KCNQ3: variants seen among roughly 807,000 people sequenced by gnomAD.
KCNQ3 encodes potassium voltage-gated channel subfamily Q member 3.
A neutral mutation model predicts 92.5 loss-of-function variants in KCNQ3; 30 were observed. That is an observed-to-expected ratio of 0.32 (90% CI 0.24 to 0.44). The LOEUF (loss-of-function observed/expected upper bound fraction) is 0.44. Among genes scored for constraint, KCNQ3 ranks in the 20% least tolerant of loss-of-function variants. KCNQ3 has a pLI of 1.00. For missense variants in KCNQ3, 913 were observed against 1,140.3 expected (o/e 0.80, Z 2.87); for synonymous variants, 450 against 468.8 (o/e 0.96, Z 0.52).
intron 1 of KCNQ3, among the ~76,000 whole-genome samples, chr8:132,232,842 G>A (rs1173994822): frequency 6.6e-6 from 1 of 152,200 alleles, no homozygotes; most frequent in Admixed American, 6.5e-5. Context: ...AATGTGCTAG[G>A]AAGTCTTTTG....
chr8:132,441,813 C>T (rs957711292), intron 1 of KCNQ3, among the ~76,000 whole-genome samples: 5 of 152,036 alleles, frequency 3.3e-5, no homozygotes, highest in African/African-American at 1.2e-4. Flanking sequence ...AGCAGCCATT[C>T]TGGAATCAAC....
intron 1 of KCNQ3, among the ~76,000 whole-genome samples, chr8:132,250,078 C>T (rs560054499): frequency 3.3e-5 from 5 of 152,214 alleles, no homozygotes; most frequent in Non-Finnish European, 7.3e-5. Flanking sequence ...CGGCTCCAGC[C>T]TCAGACAGCC....
intron 11 of KCNQ3, 115 bp downstream of exon 11, chr8:132,139,960 AG>A: frequency 1.4e-6 from 1 of 705,076 alleles, no homozygotes. Flanking sequence ...GGGTTAGTGG[AG>A]GGGCTTCTCT....
intron 1 of KCNQ3, among the ~76,000 whole-genome samples, chr8:132,272,106 C>G (rs2130501456): frequency 6.6e-6 from 1 of 152,340 alleles, no homozygotes; most frequent in East Asian, 1.9e-4. Context: ...GTCTAGGTAA[C>G]TACTTTGGAC....
intron 1 of KCNQ3, among the ~76,000 whole-genome samples, chr8:132,414,017 C>G (rs1820727019): frequency 6.6e-6 from 1 of 152,214 alleles, no homozygotes; most frequent in Non-Finnish European, 1.5e-5. Flanking sequence ...GCGGGTGCAG[C>G]CTGGAGAAGC....
chr8:132,255,904 A>G (rs541161207), intron 1 of KCNQ3, among the ~76,000 whole-genome samples: 1 of 152,236 alleles, frequency 6.6e-6, no homozygotes, highest in Non-Finnish European at 1.5e-5. Context: ...CATTTTATTT[A>G]AAATGTCCAG....
chr8:132,407,250 C>T lies in KCNQ3; in HGVS notation c.386+72897G>A, dbSNP rs570506690. On this transcript the variant is annotated intron_variant, in intron 1 of 14. Coordinates refer to ENST00000388996, the MANE Select transcript of KCNQ3 (RefSeq NM_004519.4). Reference sequence around the variant, plus strand: ...GCGGAGACAGCACAGCCACCTGCCTCGAATGGACCCACGATCTTATTTATT... The same window carrying T: ...GCGGAGACAGCACAGCCACCTGCCTTGAATGGACCCACGATCTTATTTATT... Among the ~76,000 whole-genome samples, 22 of 152,300 alleles carry T rather than the reference C, an allele frequency of 1.4e-4. 2 individuals are homozygous for T. The South Asian group carries it at 3.5e-3, about 24-fold the overall frequency.
At chr8:132,187,551 G>A (rs536679722) in intron 1 of KCNQ3, among the ~76,000 whole-genome samples, 1 of 152,296 alleles carries the variant, frequency 6.6e-6, no homozygotes, top group African/African-American at 2.4e-5. Context: ...GACATTTTAT[G>A]TGAAATTCGA....
chr8:132,396,778 G>C (rs1820203773), intron 1 of KCNQ3, among the ~76,000 whole-genome samples: 1 of 152,158 alleles, frequency 6.6e-6, no homozygotes. Flanking sequence ...ATCTGGGTGG[G>C]CCTGAGCTAA....
intron 1 of KCNQ3, among the ~76,000 whole-genome samples, chr8:132,223,337 G>A (rs1814299243): frequency 6.6e-6 from 1 of 152,238 alleles, no homozygotes; most frequent in Non-Finnish European, 1.5e-5. Flanking sequence ...CAGCAGGGAA[G>A]CAGACAGCTG....
chr8:132,405,919 C>G (rs1432593964), intron 1 of KCNQ3, among the ~76,000 whole-genome samples: 1 of 152,160 alleles, frequency 6.6e-6, no homozygotes, highest in Non-Finnish European at 1.5e-5. Context: ...GAAAACTCTA[C>G]TTCCTAACAG....
chr8:132,436,826 C>T (rs563567652), intron 1 of KCNQ3, among the ~76,000 whole-genome samples: 1 of 152,214 alleles, frequency 6.6e-6, no homozygotes, highest in Non-Finnish European at 1.5e-5. Context: ...TGGGCTCAGT[C>T]CTCAGAAGGT....
intron 1 of KCNQ3, among the ~76,000 whole-genome samples, chr8:132,219,756 T>C (rs1054016822): frequency 6.6e-5 from 10 of 152,230 alleles, no homozygotes; most frequent in Non-Finnish European, 1.5e-4. Flanking sequence ...TCAAATCCTC[T>C]TTAAGCAGAG....
intron 1 of KCNQ3, among the ~76,000 whole-genome samples, chr8:132,229,934 C>T (rs1563815091): frequency 6.6e-6 from 1 of 152,148 alleles, no homozygotes; most frequent in South Asian, 2.1e-4. Context: ...ACATAATTGG[C>T]ATTTTTGCAG....
At chr8:132,341,549 A>G (rs942213928) in intron 1 of KCNQ3, among the ~76,000 whole-genome samples, 1 of 152,232 alleles carries the variant, frequency 6.6e-6, no homozygotes, top group African/African-American at 2.4e-5. Context: ...TAGCAGTGCA[A>G]TTTGATAACT....
intron 1 of KCNQ3, among the ~76,000 whole-genome samples, chr8:132,424,122 C>A (rs1821045314): frequency 6.6e-6 from 1 of 151,664 alleles, no homozygotes; most frequent in Admixed American, 6.6e-5. Flanking sequence ...GCAGCCCACA[C>A]CCCTCCCCCC....
intron 1 of KCNQ3, among the ~76,000 whole-genome samples, chr8:132,419,570 GA>G (rs1820909936): frequency 2.6e-5 from 4 of 152,070 alleles, no homozygotes; most frequent in African/African-American, 9.7e-5. Flanking sequence ...AAAGACAATG[GA>G]CAGCCACACC....
intron 1 of KCNQ3, among the ~76,000 whole-genome samples, chr8:132,307,577 C>A (rs1185130856): frequency 2.0e-5 from 3 of 152,188 alleles, no homozygotes; most frequent in Non-Finnish European, 4.4e-5. Flanking sequence ...TCCCAGAGGA[C>A]CATGAGATCC....
chr8:132,265,381 C>T (rs185969419), intron 1 of KCNQ3, among the ~76,000 whole-genome samples: 90 of 152,326 alleles, frequency 5.9e-4, no homozygotes, highest in African/African-American at 2.2e-3. Flanking sequence ...AACTTTAATT[C>T]CTTGGCAAAG....
Sources: gnomAD v4.1 joint callset for allele counts (sites outside exome capture counted in the v4.1 genomes callset) on GRCh38, gnomAD v4.1.1 for gene constraint, MANE v1.5 for transcripts, NCBI Gene and HGNC (gene_info 2026-07-23, HGNC 2026-07-21) for gene names.